Variants in PRKN observed in about 807,000 individuals in gnomAD.
The protein encoded by PRKN is E3 ubiquitin-protein ligase parkin.
In PRKN, 56 loss-of-function variants were observed where a neutral mutation model predicts 59.5. That is an observed-to-expected ratio of 0.94 (90% CI 0.76 to 1.18). The LOEUF (loss-of-function observed/expected upper bound fraction) is 1.18, where lower values mean the gene tolerates loss of function less well. PRKN is among the 50% of genes most tolerant of loss of function. The probability of loss-of-function intolerance (pLI) is 0.00; values close to 1 mark genes in which losing one functional copy is unlikely to be tolerated. For synonymous variants in PRKN, 250 were observed against 222.1 expected (o/e 1.13, Z -1.12); for missense variants, 657 against 596.4 (o/e 1.10, Z -1.06).
At chr6:162,341,407 G>A (rs1784172321) in intron 2 of PRKN, among the ~76,000 whole-genome samples, 1 of 152,098 alleles carries the variant, frequency 6.6e-6, no homozygotes, top group African/African-American at 2.4e-5. Context: ...CCATTACTGG[G>A]TATATACCCA....
At chr6:161,607,298 A>T (rs1044081846) in intron 7 of PRKN, among the ~76,000 whole-genome samples, 6 of 152,294 alleles carry the variant, frequency 3.9e-5, no homozygotes, top group South Asian at 2.1e-4. Flanking sequence ...AAATGCTTTT[A>T]AAAAAAGTAT....
rs1011392780 is a variant in PRKN at position 161,440,613 on chromosome 6, C to T, written c.1084-53736G>A. ...ATGGATAAGAAAATCCTAGTTCTAC[C>T]TCGCAGACAGGGAGGAAGTGAAGAG... On this transcript the variant is annotated intron_variant, in intron 9 of 11. Coordinates refer to ENST00000366898, the MANE Select transcript of PRKN (RefSeq NM_004562.3). This position sits in a 1 kb window ranked among gnomAD's most constrained non-coding sequence, Gnocchi z 4.1. 6.6e-6 allele frequency among the ~76,000 whole-genome samples: 1 copy of T among 152,190 alleles called. No homozygotes were observed. The highest frequency in any genetic ancestry group is 1.5e-5 in the Non-Finnish European group (1 of 68,042).
intron 4 of PRKN, among the ~76,000 whole-genome samples, chr6:162,064,815 T>A (rs561636235): frequency 1.3e-5 from 2 of 152,298 alleles, no homozygotes; most frequent in East Asian, 3.9e-4. Context: ...ATAAAACAAA[T>A]AAAGCTGACC....
At chr6:161,686,702 G>T (rs147092416) in intron 7 of PRKN, among the ~76,000 whole-genome samples, 2 of 152,064 alleles carry the variant, frequency 1.3e-5, no homozygotes, top group Non-Finnish European at 2.9e-5. Flanking sequence ...TATATTCTCC[G>T]AGAGGACCCT....
intron 2 of PRKN, among the ~76,000 whole-genome samples, chr6:162,347,187 G>C (rs1489508884): frequency 9.7e-5 from 14 of 143,652 alleles, no homozygotes; most frequent in Non-Finnish European, 1.8e-4. Flanking sequence ...TCTTTCTGTT[G>C]TCTTTTTTCT....
At position 161,459,053 on chromosome 6, in the gene PRKN, AC is replaced by A. The variant is rs1790093374; in HGVS notation, c.1084-72177del. Among the ~76,000 whole-genome samples, 1 of 152,220 alleles carries A rather than the reference AC, an allele frequency of 6.6e-6. No homozygotes were observed. The highest frequency in any genetic ancestry group is 1.5e-5 in the Non-Finnish European group (1 of 68,036). On this transcript the variant is annotated intron_variant, in intron 9 of 11. Transcript: ENST00000366898. The surrounding 1 kb of genome is among the most constrained non-coding windows in gnomAD (Gnocchi z 4.8). Reference sequence around the variant, plus strand: ...AGGCAAGGCTGAGCTTTCTAAAGCTACAAGCACTTCCTTCCTCAGAGAGTGT... The same window carrying A: ...AGGCAAGGCTGAGCTTTCTAAAGCTAAAGCACTTCCTTCCTCAGAGAGTGT...
intron 2 of PRKN, among the ~76,000 whole-genome samples, chr6:162,350,142 CAGAA>C (rs2128130798): frequency 6.6e-6 from 1 of 152,038 alleles, no homozygotes; most frequent in Admixed American, 6.5e-5. Flanking sequence ...GACCAAACAA[CAGAA>C]AGAAACAGAA....
chr6:162,222,928 T>C (rs1029726203), intron 3 of PRKN, among the ~76,000 whole-genome samples: 1 of 151,996 alleles, frequency 6.6e-6, no homozygotes, highest in African/African-American at 2.4e-5. Context: ...GTCATATGTA[T>C]ACATGTGCCA....
At chr6:161,747,766 C>G (rs758509023) in intron 7 of PRKN, among the ~76,000 whole-genome samples, 1 of 152,090 alleles carries the variant, frequency 6.6e-6, no homozygotes, top group Non-Finnish European at 1.5e-5. Flanking sequence ...GCTCTAAGCA[C>G]CTTGGTGTTT....
chr6:161,531,380 CAA>C lies in PRKN; in HGVS notation c.1083+17472_1083+17473del, dbSNP rs532305875. On this transcript the variant is annotated intron_variant, in intron 9 of 11. Transcript: ENST00000366898. ...TGGATGACAGAGCGAGACTCCGTCT[CAA>C]AAAAAAAAAAAAAAATTAATTGTGC... Among the ~76,000 whole-genome samples, 827 of 118,560 alleles carry C rather than the reference CAA, an allele frequency of 7.0e-3. 8 individuals are homozygous for C. The highest frequency in any genetic ancestry group is 0.023 in the African/African-American group (772 of 32,900). The allele number at this position is 118,560 out of a possible 152,430, so 77.8% of individuals were successfully genotyped here. A position where few individuals can be genotyped will look rare whatever the true frequency, so the allele number is the denominator to read the frequency against.
chr6:162,121,889 T>G (rs904192927), intron 4 of PRKN, among the ~76,000 whole-genome samples: 1 of 152,162 alleles, frequency 6.6e-6, no homozygotes, highest in African/African-American at 2.4e-5. Flanking sequence ...AAAACACTGG[T>G]TGATGCAGCA....
At chr6:162,584,252 A>AC (rs1562408444) in intron 1 of PRKN, among the ~76,000 whole-genome samples, 2 of 150,712 alleles carry the variant, frequency 1.3e-5, no homozygotes, top group African/African-American at 4.9e-5. Context: ...AAAACAAAAA[A>AC]AAAAAAAACA....
intron 6 of PRKN, among the ~76,000 whole-genome samples, chr6:161,878,702 C>A (rs966639815): frequency 2.6e-5 from 4 of 152,172 alleles, no homozygotes; most frequent in Admixed American, 6.5e-5. Flanking sequence ...AGGTGGCAGA[C>A]CCCAAAGCCA....
chr6:161,482,763 T>A (rs1173155814), intron 9 of PRKN, among the ~76,000 whole-genome samples: 1 of 152,170 alleles, frequency 6.6e-6, no homozygotes, highest in Non-Finnish European at 1.5e-5. Context: ...TGTTTCTGGG[T>A]CTTGTTTTTT....
At chr6:161,879,574 C>A (rs112227365) in intron 6 of PRKN, among the ~76,000 whole-genome samples, 2,146 of 152,162 alleles carry the variant, frequency 0.014, 46 homozygotes, top group African/African-American at 0.044. Context: ...TCTCGATCTC[C>A]TGACCTCATG....
At chr6:162,159,241 T>C (rs1269436907) in intron 4 of PRKN, among the ~76,000 whole-genome samples, 1 of 150,880 alleles carries the variant, frequency 6.6e-6, no homozygotes, top group Non-Finnish European at 1.5e-5. Context: ...CAGATACTCA[T>C]ACGTGAGCAT....
intron 2 of PRKN, among the ~76,000 whole-genome samples, chr6:162,407,384 G>T (rs60653626): frequency 5.3e-4 from 81 of 152,272 alleles, no homozygotes; most frequent in African/African-American, 1.9e-3. Context: ...TAAAACAGTA[G>T]CTTTGGTTGG....
chr6:162,384,584 G>A (rs1786681422), intron 2 of PRKN, among the ~76,000 whole-genome samples: 1 of 147,362 alleles, frequency 6.8e-6, no homozygotes, highest in Admixed American at 6.9e-5. Context: ...AGCACATGTT[G>A]TTGGAAAGAT....
chr6:161,580,400 G>A (rs2128137729), intron 7 of PRKN, among the ~76,000 whole-genome samples: 1 of 152,216 alleles, frequency 6.6e-6, no homozygotes, highest in East Asian at 1.9e-4. Flanking sequence ...CCTGGTATAA[G>A]CAATTCCAGA....
Sources: allele counts gnomAD v4.1 joint callset (sites outside exome capture counted in the v4.1 genomes callset), GRCh38; gene constraint gnomAD v4.1.1; non-coding constraint Gnocchi (gnomAD v3.1); transcripts MANE v1.5; gene names NCBI Gene and HGNC (gene_info 2026-07-23, HGNC 2026-07-21).